The following GP1BA variants were observed in gnomAD, a reference collection of about 807,000 sequenced individuals.
The protein encoded by GP1BA is platelet glycoprotein Ib alpha chain.
Under a neutral mutation model 5.6 loss-of-function variants are expected in GP1BA, and 3 were observed. The observed-to-expected ratio is 0.53, with a 90% CI of 0.24 to 1.38. The LOEUF (loss-of-function observed/expected upper bound fraction) is 1.38. Among genes scored for constraint, GP1BA ranks in the 40% most tolerant of loss-of-function variants. The probability of loss-of-function intolerance (pLI) is 0.16; values close to 1 mark genes in which losing one functional copy is unlikely to be tolerated. For synonymous variants in GP1BA, 323 were observed against 358.3 expected, an observed-to-expected ratio of 0.90 and a Z score of 1.11; for missense variants, 707 against 801.4, an observed-to-expected ratio of 0.88 and a Z score of 1.42.
In GP1BA at chr17:4,934,075, A is replaced by C; in HGVS notation, c.1471A>C (p.Thr491Pro). The change falls in exon 2 of 2, where the codon ACC (threonine) becomes CCC (proline). Residue 491 changes from threonine to proline, a missense_variant. By Grantham distance (38) the Thr-to-Pro change is conservative. Transcript: ENST00000329125. Reference sequence around the variant, plus strand: ...AAAACCCGTATCACTCTTAGAATCCACCAAAAAAACCATCCCTGAACTTGA... The same window carrying C: ...AAAACCCGTATCACTCTTAGAATCCCCCAAAAAAACCATCCCTGAACTTGA... ...TTKPVSLLES[T>P]KKTIPELDQP... is the part of the protein sequence containing the mutation. 1 of 1,613,582 alleles carries C rather than the reference A, an allele frequency of 6.2e-7. No homozygotes were observed. The highest frequency in any genetic ancestry group is 8.5e-7 in the Non-Finnish European group (1 of 1,179,888).
chr17:4,933,441 G>A lies in GP1BA; in HGVS notation c.837G>A (p.Gly279=). The change falls in exon 2 of 2, where the codon GGG becomes GGA. Residue 279 remains glycine (G), a synonymous_variant. Transcript: ENST00000329125. Reference sequence around the variant, plus strand: ...CCGTCTACAAATACCCAGGAAAGGGGTGCCCCACCCTTGGTGATGAAGGTG... The same window carrying A: ...CCGTCTACAAATACCCAGGAAAGGGATGCCCCACCCTTGGTGATGAAGGTG... ...KFPVYKYPGK[G]CPTLGDEGDT... is the part of the protein sequence containing the mutation. The A allele has an allele frequency of 1.9e-6, 3 of 1,613,932 alleles. No individual in the cohort carries two copies. Among genetic ancestry groups the A allele is most frequent in the Non-Finnish European group, 1.7e-6 (2 of 1,179,884 alleles).
chr17:4,934,514 A>G lies in GP1BA; in HGVS notation c.1910A>G (p.Gln637Arg). The change falls in exon 2 of 2, where the codon CAG (glutamine) becomes CGG (arginine). Residue 637 changes from glutamine to arginine, a missense_variant. Gln to Arg is a conservative substitution (Grantham distance 43). This residue lies in a region of GP1BA where 247 missense variants were observed against 246.6 expected (regional missense o/e 1.00). Transcript: ENST00000329125. ...RPSALSQGRG[Q>R]DLLSTVSIRY... ...TCAGCTCTGAGTCAGGGTCGTGGTC[A>G]GGACCTGCTGAGCACAGTGAGCATT... The G allele has an allele frequency of 6.2e-7, 1 of 1,614,056 alleles. No homozygotes were observed. Among genetic ancestry groups the G allele is most frequent in the Non-Finnish European group, 8.5e-7 (1 of 1,179,908 alleles).
rs756327599 is a variant in GP1BA at position 4,933,045 on chromosome 17, G to A, written c.441G>A (p.Leu147=). ...RGLGELQELY[L]KGNELKTLPP... ...TTGGCGAACTCCAAGAGCTCTACCT[G>A]AAAGGCAATGAGCTGAAGACCCTGC... Residue 147 remains leucine (L), a synonymous_variant, in exon 2 of 2, where the codon CTG becomes CTA. Coordinates refer to ENST00000329125, the MANE Select transcript of GP1BA (RefSeq NM_000173.7). 6.2e-7 allele frequency: 1 copy of A among 1,614,022 alleles called. No individual in the cohort carries two copies. Among genetic ancestry groups the A allele is most frequent in the Admixed American group, 1.7e-5 (1 of 60,018 alleles).
Position 4,934,426 on chromosome 17 carries a change from A to G in GP1BA, c.1822A>G (p.Ser608Gly), listed in dbSNP as rs1346729922. Residue 608 changes from serine to glycine, a missense_variant, in exon 2 of 2, where the codon AGC becomes GGC. Around this residue, in one of 3 missense-constraint regions of GP1BA, gnomAD observed 247 missense variants for 246.6 expected, o/e 1.00. Coordinates refer to ENST00000329125, the MANE Select transcript of GP1BA (RefSeq NM_000173.7). ...LRGSLPTFRS[S>G]LFLWVRPNGR... ...AGGTTCGCTTCCCACTTTCCGCTCC[A>G]GCCTCTTCCTGTGGGTACGGCCTAA... The G allele has an allele frequency of 6.2e-7, 1 of 1,613,938 alleles. No individual in the cohort carries two copies. Among genetic ancestry groups the G allele is most frequent in the Non-Finnish European group, 8.5e-7 (1 of 1,179,906 alleles).
At position 4,934,650 on chromosome 17, in the gene GP1BA, G is replaced by T; in HGVS notation, c.*87G>T. On this transcript the variant is annotated 3_prime_UTR_variant, in exon 2 of 2. Transcript: ENST00000329125. The stretch of plus-strand genomic sequence containing the variant: ...GGGGGTTGGAGGGGTAAGGAACACA[G>T]GGTGATAGGGAGGGGTCTTAGTTCC... 8.2e-7 allele frequency: 1 copy of T among 1,215,678 alleles called. No homozygotes were observed. The highest frequency in any genetic ancestry group is 1.1e-6 in the Non-Finnish European group (1 of 911,412). The allele number at this position is 1,215,678 out of a possible 1,614,324, so 75.3% of individuals were successfully genotyped here.
In GP1BA at chr17:4,933,086, C is replaced by G. The variant is rs6065; in HGVS notation, c.482C>G (p.Thr161Arg). The G allele has an allele frequency of 6.2e-7, 1 of 1,613,724 alleles. No homozygotes were observed. Among genetic ancestry groups the G allele is most frequent in the Admixed American group, 1.7e-5 (1 of 59,996 alleles). Residue 161 changes from threonine (T) to arginine (R), a missense_variant, in exon 2 of 2, where the codon ACG becomes AGG. Thr to Arg is a moderately conservative substitution (Grantham distance 71). This residue lies in a region of GP1BA where 442 missense variants were observed against 498.8 expected (regional missense o/e 0.89). Transcript: ENST00000329125. ...ELKTLPPGLL[T>R]PTPKLEKLSL... ...AAGACCCTGCCCCCAGGGCTCCTGA[C>G]GCCCACACCCAAGCTGGAGAAGCTC...
At position 4,933,679 on chromosome 17, in the gene GP1BA, TG is replaced by T; in HGVS notation, c.1077del (p.Trp359Ter). 6.2e-7 allele frequency: 1 copy of T among 1,613,858 alleles called. No homozygotes were observed. Among genetic ancestry groups the T allele is most frequent in the Non-Finnish European group, 8.5e-7 (1 of 1,179,860 alleles). ...TKEQTTFPPR[W>X]TPNFTLHMES... ...GGAGCAGACCACATTCCCACCTAGA[TG>T]GACCCCAAATTTCACACTTCACATG... On this transcript the variant is annotated frameshift_variant, in exon 2 of 2. Coordinates refer to ENST00000329125, the MANE Select transcript of GP1BA (RefSeq NM_000173.7). LOFTEE classifies it low-confidence loss of function (END_TRUNC).
In GP1BA at chr17:4,934,046, C is replaced by T. The variant is rs374418545; in HGVS notation, c.1442C>T (p.Thr481Ile). The change falls in exon 2 of 2, where the codon ACC (threonine) becomes ATC (isoleucine). Residue 481 changes from threonine to isoleucine, a missense_variant. Thr to Ile is a moderately conservative substitution (Grantham distance 89, BLOSUM62 -1). Around this residue, in one of 3 missense-constraint regions of GP1BA, gnomAD observed 247 missense variants for 246.6 expected, o/e 1.00. Transcript: ENST00000329125. Reference sequence around the variant, plus strand: ...ACTCCAAAAAGCACATTTTTAACTACCACAAAACCCGTATCACTCTTAGAA... The same window carrying T: ...ACTCCAAAAAGCACATTTTTAACTATCACAAAACCCGTATCACTCTTAGAA... ...LITPKSTFLT[T>I]TKPVSLLEST... 15 of 1,613,514 alleles carry T rather than the reference C, an allele frequency of 9.3e-6. No homozygotes were observed. Among genetic ancestry groups the T allele is most frequent in the Non-Finnish European group, 1.3e-5 (15 of 1,179,886 alleles).
Position 4,933,508 on chromosome 17 carries a change from G to A in GP1BA, c.904G>A (p.Gly302Ser), listed in dbSNP as rs763255732. 6.2e-7 allele frequency: 1 copy of A among 1,613,752 alleles called. No individual in the cohort carries two copies. Among genetic ancestry groups the A allele is most frequent in the African/African-American group, 1.3e-5 (1 of 74,854 alleles). Residue 302 changes from glycine (G) to serine (S), a missense_variant, in exon 2 of 2, where the codon GGC becomes AGC. Gly to Ser is a moderately conservative substitution (Grantham distance 56). Transcript: ENST00000329125. Reference sequence around the variant, plus strand: ...TTACTACCCAGAAGAGGACACTGAGGGCGATAAGGTGCGTGCCACAAGGAC... The same window carrying A: ...TTACTACCCAGAAGAGGACACTGAGAGCGATAAGGTGCGTGCCACAAGGAC... ...YDYYPEEDTE[G>S]DKVRATRTVV...
rs373716591 is a variant in GP1BA at position 4,934,343 on chromosome 17, T to C, written c.1739T>C (p.Leu580Pro). The stretch of plus-strand genomic sequence containing the variant: ...ACCACAGCCACACAAACCACACACC[T>C]GGAGCTGCAGAGGGGACGGCAAGTG... ...ALTTATQTTH[L>P]ELQRGRQVTV... Residue 580 changes from leucine to proline, a missense_variant, in exon 2 of 2, where the codon CTG (leucine) becomes CCG (proline). Transcript: ENST00000329125. 117 of 1,613,988 alleles carry C rather than the reference T, an allele frequency of 7.2e-5. 1 individual carries two copies. The African/African-American group carries it at 1.5e-3, about 20-fold the overall frequency.
chr17:4,932,610 TCTC>T lies in GP1BA; in HGVS notation c.13_15del (p.Leu10del), dbSNP rs781032554. The T allele has an allele frequency of 3.2e-5, 52 of 1,612,750 alleles. No homozygotes were observed. The Middle Eastern group carries it at 4.9e-4, about 15-fold the overall frequency. On this transcript the variant is annotated inframe_deletion, in exon 2 of 2. Transcript: ENST00000329125. The surrounding 1 kb of genome is among the most constrained non-coding windows in gnomAD (Gnocchi z 4.8). ...TCCCTTGCCCACAGGTCCTCATGCC[TCTC>T]CTCCTCTTGCTGCTCCTGCTGCCAA...
Sources: gnomAD v4.1 joint callset for allele counts on GRCh38, gnomAD v4.1.1 for gene constraint, gnomAD v4.1.1 regional missense constraint, Gnocchi (gnomAD v3.1) non-coding constraint, MANE v1.5 for transcripts, NCBI Gene and HGNC (gene_info 2026-07-23, HGNC 2026-07-21) for gene names.